Variants in KCTD8 observed in about 807,000 individuals in gnomAD.
KCTD8 encodes BTB/POZ domain-containing protein KCTD8.
KCTD8 carries 27 observed loss-of-function variants against 31.5 expected under a neutral mutation model. The observed-to-expected ratio is 0.86, with a 90% confidence interval of 0.63 to 1.18. KCTD8 has a LOEUF of 1.18. Ranked by LOEUF, KCTD8 falls within the 50% of genes most tolerant of loss-of-function variation. The pLI is 0.00. For missense variants in KCTD8, 658 were observed against 647.7 expected, an observed-to-expected ratio of 1.02 and a Z score of -0.17; for synonymous variants, 290 against 280.0, an observed-to-expected ratio of 1.04 and a Z score of -0.36.
intron 1 of KCTD8, among the ~76,000 whole-genome samples, chr4:44,443,979 T>G (rs781767792): frequency 2.0e-5 from 3 of 152,058 alleles, no homozygotes; most frequent in Non-Finnish European, 4.4e-5. Context: ...GAAAGGACAA[T>G]CCATCTTCAG....
chr4:44,275,932 T>C (rs997258233), intron 1 of KCTD8, among the ~76,000 whole-genome samples: 1 of 152,066 alleles, frequency 6.6e-6, no homozygotes, highest in Non-Finnish European at 1.5e-5. Flanking sequence ...CAAATTTGCA[T>C]CAGTGTAGCA....
intron 1 of KCTD8, among the ~76,000 whole-genome samples, chr4:44,410,987 T>C (rs1411165671): frequency 6.6e-6 from 1 of 152,136 alleles, no homozygotes; most frequent in East Asian, 1.9e-4. Context: ...TGAGGAACTT[T>C]GGGTTACATT....
rs1175499060 is a variant in KCTD8 at position 44,447,929 on chromosome 4, C to G, written c.595G>C (p.Gly199Arg). 1 of 1,422,268 alleles carries G rather than the reference C, an allele frequency of 7.0e-7. No individual in the cohort carries two copies. The allele number at this position is 1,422,268 out of a possible 1,614,324, so 88.1% of individuals were successfully genotyped here. A position where few individuals can be genotyped will look rare whatever the true frequency, so the allele number is the denominator to read the frequency against. The change falls in exon 1 of 2, where the codon GGC becomes CGC. Residue 199 changes from glycine to arginine, a missense_variant. Gly to Arg is a moderately radical substitution (Grantham distance 125). Transcript: ENST00000360029. ...CCCGAGCGCTTGTCCTGCGCGCCGC[C>G]GCCGCCGCCACCACCGTGCGCTCCC... ...GPGAHGGGGGGGAQDKRSGFL... is the reference protein window; with the variant it reads ...GPGAHGGGGGRGAQDKRSGFL...
At chr4:44,307,061 A>G (rs1717826414) in intron 1 of KCTD8, among the ~76,000 whole-genome samples, 1 of 151,980 alleles carries the variant, frequency 6.6e-6, no homozygotes, top group Admixed American at 6.6e-5. Flanking sequence ...CATAAACAAA[A>G]TCAGTAATTA....
At position 44,312,203 on chromosome 4, in the gene KCTD8, C is replaced by T. The variant is rs114170389; in HGVS notation, c.961+135360G>A. 4.4e-3 allele frequency among the ~76,000 whole-genome samples: 673 copies of T among 152,104 alleles called. 10 individuals carry two copies. Among genetic ancestry groups the T allele is most frequent in the African/African-American group, 0.016 (651 of 41,524 alleles). ...CTCTTTGGGAGCTCCTTGAGAGTGG[C>T]GGGAGTGTTTTCTTTCTCTTTATTT... On this transcript the variant is annotated intron_variant, in intron 1 of 1. Transcript: ENST00000360029.
intron 1 of KCTD8, among the ~76,000 whole-genome samples, chr4:44,246,415 GT>G (rs1004609764): frequency 2.5e-4 from 38 of 151,838 alleles, no homozygotes; most frequent in African/African-American, 9.2e-4. Context: ...TTAACCCACT[GT>G]TTTCCATCTC....
At chr4:44,417,339 TA>T (rs1366395318) in intron 1 of KCTD8, among the ~76,000 whole-genome samples, 3 of 152,316 alleles carry the variant, frequency 2.0e-5, no homozygotes, top group Non-Finnish European at 4.4e-5. Context: ...AAATTATGTC[TA>T]AATTATAGCT....
At chr4:44,205,923 T>C (rs1326399829) in intron 1 of KCTD8, among the ~76,000 whole-genome samples, 1 of 152,074 alleles carries the variant, frequency 6.6e-6, no homozygotes, top group African/African-American at 2.4e-5. Flanking sequence ...CTAAAGCTAA[T>C]GGCATAGAGG....
At chr4:44,178,989 C>G (rs1174442866) in intron 1 of KCTD8, among the ~76,000 whole-genome samples, 2 of 152,080 alleles carry the variant, frequency 1.3e-5, no homozygotes, top group East Asian at 1.9e-4. Flanking sequence ...AGCTTTCTGC[C>G]TGATGAAGTT....
chr4:44,225,908 C>A (rs1375062421), intron 1 of KCTD8, among the ~76,000 whole-genome samples: 1 of 149,470 alleles, frequency 6.7e-6, no homozygotes, highest in Non-Finnish European at 1.5e-5. Flanking sequence ...GCAAGCTCCA[C>A]CTCCCAGGTT....
At position 44,303,372 on chromosome 4, in the gene KCTD8, T is replaced by C. The variant is rs1332796146; in HGVS notation, c.962-128122A>G. On this transcript the variant is annotated intron_variant, in intron 1 of 1. Coordinates refer to ENST00000360029, the MANE Select transcript of KCTD8 (RefSeq NM_198353.3). ...CCTGGACTCTTTTTGGTTGGTAAGC[T>C]ATTGATTATTGCCACAATTTCAGAT... Among the ~76,000 whole-genome samples, 5 of 152,228 alleles carry C rather than the reference T, an allele frequency of 3.3e-5. 1 individual carries two copies. Among genetic ancestry groups the C allele is most frequent in the African/African-American group, 1.2e-4 (5 of 41,506 alleles).
chr4:44,424,299 C>G (rs1250418771), intron 1 of KCTD8, among the ~76,000 whole-genome samples: 1 of 152,074 alleles, frequency 6.6e-6, no homozygotes, highest in Non-Finnish European at 1.5e-5. Flanking sequence ...GTATTTGTCT[C>G]TATACGTAGT....
chr4:44,199,742 A>C (rs1004251559), intron 1 of KCTD8, among the ~76,000 whole-genome samples: 1 of 152,118 alleles, frequency 6.6e-6, no homozygotes, highest in African/African-American at 2.4e-5. Flanking sequence ...ACCTAGAGGA[A>C]CTAGAAAACA....
intron 1 of KCTD8, among the ~76,000 whole-genome samples, chr4:44,196,342 A>G (rs529412194): frequency 6.6e-6 from 1 of 152,324 alleles, no homozygotes; most frequent in South Asian, 2.1e-4. Context: ...TAAAATGTTA[A>G]TTTTGTACAA....
intron 1 of KCTD8, among the ~76,000 whole-genome samples, chr4:44,355,254 A>G (rs1214366149): frequency 2.0e-5 from 3 of 152,186 alleles, no homozygotes; most frequent in East Asian, 3.8e-4. Flanking sequence ...AAAACAGAGA[A>G]CACCAATGTA....
At chr4:44,248,929 T>C (rs1364822513) in intron 1 of KCTD8, among the ~76,000 whole-genome samples, 3 of 151,864 alleles carry the variant, frequency 2.0e-5, no homozygotes, top group Non-Finnish European at 4.4e-5. Flanking sequence ...GCCGGAACCA[T>C]TGCATTCAGG....
chr4:44,298,413 C>T (rs1289223444), intron 1 of KCTD8, among the ~76,000 whole-genome samples: 1 of 149,396 alleles, frequency 6.7e-6, no homozygotes, highest in East Asian at 2.0e-4. Context: ...TCTGCCCCCC[C>T]CACCTCTTTA....
At chr4:44,192,028 C>A (rs114950496) in intron 1 of KCTD8, among the ~76,000 whole-genome samples, 3 of 152,096 alleles carry the variant, frequency 2.0e-5, no homozygotes, top group African/African-American at 2.4e-5. Flanking sequence ...TCACCCCTGG[C>A]GGCCCAGCTG....
At chr4:44,233,102 T>G (rs1044673297) in intron 1 of KCTD8, among the ~76,000 whole-genome samples, 25 of 152,210 alleles carry the variant, frequency 1.6e-4, no homozygotes, top group African/African-American at 5.8e-4. Context: ...TTTTTAAATT[T>G]TTTGTTTTGT....
Sources: allele counts gnomAD v4.1 joint callset (sites outside exome capture counted in the v4.1 genomes callset), GRCh38; gene constraint gnomAD v4.1.1; transcripts MANE v1.5; gene names NCBI Gene and HGNC (gene_info 2026-07-23, HGNC 2026-07-21).